The following LRRK1 variants were observed in gnomAD, a reference collection of about 807,000 sequenced individuals.
LRRK1 encodes the protein leucine rich repeat kinase 1, also known as leucine-rich repeat serine/threonine-protein kinase 1.
A neutral mutation model predicts 209.1 loss-of-function variants in LRRK1; 113 were observed. The ratio of observed to expected loss-of-function variants is 0.54; its 90% confidence interval spans 0.46 to 0.63. LRRK1 has a LOEUF of 0.63. Among genes scored for constraint, LRRK1 ranks in the 30% least tolerant of loss-of-function variants. The pLI, the probability that LRRK1 is intolerant of heterozygous loss-of-function variation, is 0.00. For synonymous variants in LRRK1, 1,144 were observed against 1,099.7 expected, an observed-to-expected ratio of 1.04 and a Z score of -0.80; for missense variants, 2,284 against 2,632.2, an observed-to-expected ratio of 0.87 and a Z score of 2.89.
intron 1 of LRRK1, among the ~76,000 whole-genome samples, chr15:100,921,998 G>A (rs866224155): frequency 1.3e-5 from 2 of 152,310 alleles, no homozygotes; most frequent in African/African-American, 2.4e-5. Context: ...GATTACAAGC[G>A]TGAACCACCG....
chr15:101,001,299 G>A (rs2032674873), intron 6 of LRRK1, among the ~76,000 whole-genome samples: 1 of 152,100 alleles, frequency 6.6e-6, no homozygotes, highest in African/African-American at 2.4e-5. Context: ...GGGCGTCGGT[G>A]CACAGACGCT....
Position 101,055,219 on chromosome 15 carries a change from A to AGAAG in LRRK1, c.4330_4332+1dup. On this transcript the variant is annotated frameshift_variant, in exon 27 of 34. Transcript: ENST00000388948. LOFTEE classifies it high-confidence loss of function. ...ATCAGGCCTCGCATTGTATATGATG[A>AGAAG]GAAGGTACGTGCCTGGATCCCCTGG... 6.4e-7 allele frequency: 1 copy of AGAAG among 1,555,488 alleles called. No individual in the cohort carries two copies. Among genetic ancestry groups the AGAAG allele is most frequent in the Non-Finnish European group, 8.7e-7 (1 of 1,152,062 alleles).
chr15:100,948,780 T>C (rs2042590924), intron 2 of LRRK1, among the ~76,000 whole-genome samples: 1 of 152,160 alleles, frequency 6.6e-6, no homozygotes, highest in South Asian at 2.1e-4. Context: ...AGAACGAATG[T>C]GTTAAAGAAG....
Position 101,028,983 on chromosome 15 carries a change from C to G in LRRK1, c.2714C>G (p.Thr905Ser), listed in dbSNP as rs1180277045. ...ATCAGCTTCCTCATAGAAACCGGCACCCTGCTCCATTTCCCGGACACCAGC... is the reference window on the plus strand; with the variant it reads ...ATCAGCTTCCTCATAGAAACCGGCAGCCTGCTCCATTTCCCGGACACCAGC... Reference protein sequence around the residue: ...SAISFLIETGTLLHFPDTSHG... With the variant: ...SAISFLIETGSLLHFPDTSHG... Residue 905 changes from threonine (T) to serine (S), a missense_variant, in exon 20 of 34, where the codon ACC (threonine) becomes AGC (serine). Transcript: ENST00000388948. The G allele has an allele frequency of 1.9e-6, 3 of 1,614,076 alleles. No individual in the cohort carries two copies. Among genetic ancestry groups the G allele is most frequent in the Non-Finnish European group, 1.7e-6 (2 of 1,180,040 alleles).
chr15:101,032,385 C>T (rs576159398), intron 20 of LRRK1, among the ~76,000 whole-genome samples: 4 of 152,050 alleles, frequency 2.6e-5, no homozygotes, highest in South Asian at 4.1e-4. Context: ...CCCATTAACT[C>T]GTCATTTAAC....
At chr15:101,055,328 C>A in intron 27 of LRRK1, 105 bp downstream of exon 27, 2 of 1,125,798 alleles carry the variant, frequency 1.8e-6, no homozygotes, top group Non-Finnish European at 1.2e-6. Flanking sequence ...TCAGCATCCC[C>A]AAAAGCACAT....
At chr15:101,010,355 G>T in intron 7 of LRRK1, 95 bp from the exon 8 acceptor site, 4 of 1,427,040 alleles carry the variant, frequency 2.8e-6, no homozygotes, top group Non-Finnish European at 3.8e-6. Context: ...GGGAGAAAAA[G>T]AAAAAAAATA....
chr15:100,978,009 T>G (rs1428525095), intron 3 of LRRK1, among the ~76,000 whole-genome samples: 1 of 152,064 alleles, frequency 6.6e-6, no homozygotes, highest in Non-Finnish European at 1.5e-5. Context: ...AATAGAAAGT[T>G]TCGGCAAAGA....
At chr15:101,058,752 G>A (rs1482434307) in intron 29 of LRRK1, among the ~76,000 whole-genome samples, 1 of 151,758 alleles carries the variant, frequency 6.6e-6, no homozygotes, top group Non-Finnish European at 1.5e-5. Flanking sequence ...GGAGCACAAT[G>A]CAAAGTACTA....
At chr15:101,006,372 T>TAAAA (rs56053663) in intron 6 of LRRK1, among the ~76,000 whole-genome samples, 2 of 114,434 alleles carry the variant, frequency 1.7e-5, no homozygotes, top group African/African-American at 3.3e-5. Context: ...GACAATGTGA[T>TAAAA]AAAAAAAAAA....
chr15:101,065,813 G>C lies in LRRK1; in HGVS notation c.5376G>C (p.Leu1792Phe). ...GGGACATGTTTCCCGTGCGGCCCTT[G>C]GACACGGAACCCCCGGCAGCCAGCC... The part of the protein sequence containing the change: ...PLRDMFPVRP[L>F]DTEPPAASHT... Residue 1792 changes from leucine to phenylalanine, a missense_variant, in exon 32 of 34, where the codon TTG becomes TTC. Leu to Phe is a conservative substitution (Grantham distance 22). Coordinates refer to ENST00000388948, the MANE Select transcript of LRRK1 (RefSeq NM_024652.6). The C allele has an allele frequency of 6.2e-7, 1 of 1,614,070 alleles. No individual in the cohort carries two copies. The highest frequency in any genetic ancestry group is 8.5e-7 in the Non-Finnish European group (1 of 1,180,018).
Position 101,027,172 on chromosome 15 carries a change from T to G in LRRK1, c.2406-89T>G. ...ACGAGTTCTCCAGACTTGCCAGCGT[T>G]CAGGACAAACCTCTCAGGGAAACAG... On this transcript the variant is annotated intron_variant, in intron 17 of 33. Transcript: ENST00000388948. The surrounding 1 kb of genome is among the most constrained non-coding windows in gnomAD (Gnocchi z 5.1). 1 of 1,545,042 alleles carries G rather than the reference T, an allele frequency of 6.5e-7. No homozygotes were observed. The highest frequency in any genetic ancestry group is 8.8e-7 in the Non-Finnish European group (1 of 1,138,080).
At chr15:101,020,935 G>C in intron 12 of LRRK1, 118 bp from the exon 13 acceptor site, 2 of 1,120,926 alleles carry the variant, frequency 1.8e-6, no homozygotes, top group East Asian at 2.4e-5. Context: ...ATTTTGTTCT[G>C]ATAGGCTTGC....
chr15:100,938,409 A>G (rs1310026694), intron 2 of LRRK1, among the ~76,000 whole-genome samples: 1 of 152,120 alleles, frequency 6.6e-6, no homozygotes, highest in Non-Finnish European at 1.5e-5. Context: ...CTATCACCGC[A>G]AACATTTTTC....
At chr15:101,016,968 T>A (rs1291543786) in intron 12 of LRRK1, among the ~76,000 whole-genome samples, 1 of 152,218 alleles carries the variant, frequency 6.6e-6, no homozygotes, top group Non-Finnish European at 1.5e-5. Context: ...AAACAAGCTC[T>A]TTTTGTTCCA....
At chr15:101,055,948 G>T (rs1293557514) in intron 27 of LRRK1, among the ~76,000 whole-genome samples, 1 of 152,170 alleles carries the variant, frequency 6.6e-6, no homozygotes, top group African/African-American at 2.4e-5. Context: ...ATTCCTGTAG[G>T]AATGACCTGT....
chr15:101,047,747 C>T (rs1362097072), intron 21 of LRRK1, among the ~76,000 whole-genome samples: 2 of 152,198 alleles, frequency 1.3e-5, no homozygotes, highest in African/African-American at 2.4e-5. Flanking sequence ...ACAGTCTCGT[C>T]GTTCGAGAAG....
chr15:100,956,455 C>CTTTTTCTTTTCTTTT lies in LRRK1; in HGVS notation c.98-17344_98-17343insCTTTTCTTTTTTTTT. Among the ~76,000 whole-genome samples, 14 of 60,524 alleles carry CTTTTTCTTTTCTTTT rather than the reference C, an allele frequency of 2.3e-4. 1 individual carries two copies. The highest frequency in any genetic ancestry group is 6.0e-4 in the African/African-American group (7 of 11,726). The allele number at this position is 60,524 out of a possible 152,430, so 39.7% of individuals were successfully genotyped here. A position where few individuals can be genotyped will look rare whatever the true frequency, so the allele number is the denominator to read the frequency against. ...TTCGCTTTTCTTTCCTTTTTTTTTT[C>CTTTTTCTTTTCTTTT]TTTTTTTTTTTTTTTTTTGAGACAG... is the stretch of plus-strand genomic sequence containing the variant. On this transcript the variant is annotated intron_variant, in intron 2 of 33. Transcript: ENST00000388948.
At chr15:100,923,839 C>CT (rs1275492551) in intron 1 of LRRK1, among the ~76,000 whole-genome samples, 1 of 152,236 alleles carries the variant, frequency 6.6e-6, no homozygotes, top group East Asian at 1.9e-4. Context: ...CTGTAGCACT[C>CT]TCCCCCAGCC....
Sources: gnomAD v4.1 joint callset for allele counts (sites outside exome capture counted in the v4.1 genomes callset) on GRCh38, gnomAD v4.1.1 for gene constraint, Gnocchi (gnomAD v3.1) non-coding constraint, MANE v1.5 for transcripts, NCBI Gene and HGNC (gene_info 2026-07-23, HGNC 2026-07-21) for gene names.